CTNNA2: variants seen among roughly 807,000 people sequenced by gnomAD.
CTNNA2 encodes the protein catenin alpha-2.
CTNNA2 carries 42 observed loss-of-function variants against 101.0 expected under a neutral mutation model. That is an observed-to-expected ratio of 0.42 (90% CI 0.32 to 0.54). The LOEUF is 0.54. CTNNA2 is among the 20% of genes least tolerant of loss of function. The probability of loss-of-function intolerance (pLI) is 0.14; values close to 1 mark genes in which losing one functional copy is unlikely to be tolerated. For synonymous variants in CTNNA2, 450 were observed against 456.4 expected (o/e 0.99, Z 0.18); for missense variants, 871 against 1,223.1 (o/e 0.71, Z 4.29).
chr2:80,428,287 G>C (rs531969400), intron 9 of CTNNA2, among the ~76,000 whole-genome samples: 1 of 152,262 alleles, frequency 6.6e-6, no homozygotes, highest in African/African-American at 2.4e-5. Context: ...TTGAACAAAG[G>C]CATGACATAA....
At chr2:79,317,447 T>C (rs1676523471) in intron 3 of CTNNA2, among the ~76,000 whole-genome samples, 1 of 152,072 alleles carries the variant, frequency 6.6e-6, no homozygotes, top group Non-Finnish European at 1.5e-5. Context: ...TTTGATTTCT[T>C]GCATGGACTC....
intron 2 of CTNNA2, among the ~76,000 whole-genome samples, chr2:79,668,051 T>G (rs922699287): frequency 6.7e-6 from 1 of 150,166 alleles, no homozygotes; most frequent in Middle Eastern, 3.4e-3. Flanking sequence ...CCATCCTGGC[T>G]AACAAGGTGA....
intron 4 of CTNNA2, among the ~76,000 whole-genome samples, chr2:79,438,820 C>T (rs901179249): frequency 2.6e-5 from 4 of 152,160 alleles, no homozygotes; most frequent in African/African-American, 7.2e-5. Flanking sequence ...TGAAAAGATG[C>T]TCAGTATCAT....
At chr2:80,424,204 T>C (rs557770284) in intron 9 of CTNNA2, among the ~76,000 whole-genome samples, 1 of 152,286 alleles carries the variant, frequency 6.6e-6, no homozygotes, top group African/African-American at 2.4e-5. Flanking sequence ...TCTGCCCTCC[T>C]TGGCCTCCCA....
intron 7 of CTNNA2, among the ~76,000 whole-genome samples, chr2:79,979,136 C>T (rs1034647917): frequency 2.9e-4 from 44 of 152,082 alleles, no homozygotes; most frequent in African/African-American, 9.9e-4. Flanking sequence ...CTGTAATCCC[C>T]GAGACTCCAG....
chr2:80,016,018 A>G (rs1441419064), intron 7 of CTNNA2, among the ~76,000 whole-genome samples: 3 of 152,208 alleles, frequency 2.0e-5, no homozygotes, highest in Admixed American at 1.3e-4. Flanking sequence ...GAGTCATTTC[A>G]GCACTTGGAA....
chr2:80,346,716 A>T (rs1427694686), intron 7 of CTNNA2, among the ~76,000 whole-genome samples: 1 of 152,182 alleles, frequency 6.6e-6, no homozygotes, highest in African/African-American at 2.4e-5. Flanking sequence ...CAAGGTATTT[A>T]TCTAAATTTC....
intron 12 of CTNNA2, among the ~76,000 whole-genome samples, chr2:80,563,927 T>C (rs569721797): frequency 6.6e-6 from 1 of 152,314 alleles, no homozygotes; most frequent in East Asian, 1.9e-4. Context: ...TCTTAGTACC[T>C]GAGGCATGTG....
At chr2:80,176,608 A>T (rs1454746345) in intron 7 of CTNNA2, among the ~76,000 whole-genome samples, 1 of 152,060 alleles carries the variant, frequency 6.6e-6, no homozygotes, top group Non-Finnish European at 1.5e-5. Flanking sequence ...GGTCTATGTC[A>T]TTTGTAGTCC....
intron 1 of CTNNA2, chr2:79,634,499 G>C (rs894472358): frequency 6.6e-6 from 1 of 152,146 alleles, no homozygotes; most frequent in African/African-American, 2.4e-5. Context: ...ATTTACTTAT[G>C]TGTCTATTCA....
At chr2:80,490,562 C>T (rs1038215672) in intron 9 of CTNNA2, among the ~76,000 whole-genome samples, 3 of 152,072 alleles carry the variant, frequency 2.0e-5, no homozygotes, top group African/African-American at 7.2e-5. Context: ...TATACAAAAA[C>T]AGGCCTTGGG....
At chr2:79,646,272 CCTT>C (rs565091624) in intron 1 of CTNNA2, among the ~76,000 whole-genome samples, 284 of 152,262 alleles carry the variant, frequency 1.9e-3, no homozygotes, top group Admixed American at 3.7e-3. Context: ...GTCAGTTTCT[CCTT>C]ATCAGGACGC....
intron 7 of CTNNA2, among the ~76,000 whole-genome samples, chr2:80,143,252 C>T (rs12477608): frequency 6.6e-6 from 1 of 152,028 alleles, no homozygotes; most frequent in African/African-American, 2.4e-5. Context: ...AGTGAACATT[C>T]CTGAAGGACA....
chr2:79,808,308 A>G (rs1676735817), intron 3 of CTNNA2, among the ~76,000 whole-genome samples: 3 of 152,274 alleles, frequency 2.0e-5, no homozygotes, highest in East Asian at 3.9e-4. Flanking sequence ...TGAGGGCCTT[A>G]CACTGTGTTG....
At chr2:80,025,760 T>C (rs1384400222) in intron 7 of CTNNA2, among the ~76,000 whole-genome samples, 1 of 152,150 alleles carries the variant, frequency 6.6e-6, no homozygotes, top group Admixed American at 6.5e-5. Context: ...TGTTGCAACA[T>C]GTATGGAGAG....
chr2:79,409,250 G>C (rs551754924), intron 4 of CTNNA2, among the ~76,000 whole-genome samples: 94 of 152,232 alleles, frequency 6.2e-4, no homozygotes, highest in African/African-American at 2.1e-3. Flanking sequence ...TTTGTAGGTT[G>C]CCTGTTCAGT....
At chr2:79,966,260 G>A (rs6719499) in intron 7 of CTNNA2, among the ~76,000 whole-genome samples, 109,151 of 151,812 alleles carry the variant, frequency 0.72, 39,888 homozygotes, top group African/African-American at 0.83. Context: ...TTGGGGGACA[G>A]GGTCTTGCTT....
At chr2:80,636,825 CTAAATGTTCT>C (rs1558666781) in intron 18 of CTNNA2, among the ~76,000 whole-genome samples, 1 of 152,080 alleles carries the variant, frequency 6.6e-6, no homozygotes, top group South Asian at 2.1e-4. Flanking sequence ...TTACCAAGTC[CTAAATGTTCT>C]TAGATATTTT....
At chr2:80,317,855 G>A (rs915179760) in intron 7 of CTNNA2, among the ~76,000 whole-genome samples, 1 of 152,144 alleles carries the variant, frequency 6.6e-6, no homozygotes, top group Non-Finnish European at 1.5e-5. Flanking sequence ...TCAGATGTCA[G>A]TGTCCAGATA....
Sources: allele counts gnomAD v4.1 joint callset (sites outside exome capture counted in the v4.1 genomes callset), GRCh38; gene constraint gnomAD v4.1.1; transcripts MANE v1.5; gene names NCBI Gene and HGNC (gene_info 2026-07-23, HGNC 2026-07-21).